Variants in ADAM19 observed in about 807,000 individuals in gnomAD.
ADAM19 encodes the protein disintegrin and metalloproteinase domain-containing protein 19.
ADAM19 carries 65 observed loss-of-function variants against 114.7 expected under a neutral mutation model. The observed-to-expected ratio is 0.57, with a 90% CI of 0.46 to 0.70. ADAM19 has a LOEUF of 0.70. Ranked by LOEUF, ADAM19 falls within the 30% of genes least tolerant of loss-of-function variation. ADAM19 has a pLI of 0.00. For synonymous variants in ADAM19, 466 were observed against 460.5 expected (o/e 1.01, Z -0.15); for missense variants, 1,063 against 1,204.7 (o/e 0.88, Z 1.74).
chr5:157,491,774 C>T (rs775010615), intron 17 of ADAM19, 51 bp from the exon 18 acceptor site: 1 of 1,612,028 alleles, frequency 6.2e-7, no homozygotes, highest in East Asian at 2.2e-5. Flanking sequence ...GCATCAGCCA[C>T]CCACAGGGCC....
chr5:157,504,177 G>T (rs928916523), intron 11 of ADAM19, among the ~76,000 whole-genome samples: 1 of 152,198 alleles, frequency 6.6e-6, no homozygotes, highest in Non-Finnish European at 1.5e-5. Context: ...AGAGAAAGGG[G>T]TGAGCTTAAC....
In ADAM19 at chr5:157,531,549, C is replaced by A. The variant is rs180702854; in HGVS notation, c.331-666G>T. The stretch of plus-strand genomic sequence containing the variant: ...GGATGTGGTGGTGCACACCTATAAT[C>A]CCAGCTACTCGGGAGGCCGAGGCAG... On this transcript the variant is annotated intron_variant, in intron 4 of 22. Coordinates refer to ENST00000257527, the MANE Select transcript of ADAM19 (RefSeq NM_033274.5). 4.9e-4 allele frequency among the ~76,000 whole-genome samples: 74 copies of A among 152,124 alleles called. No homozygotes were observed. In the East Asian group the frequency reaches 0.014, roughly 29 times the overall value.
intron 2 of ADAM19, chr5:157,569,076 A>G (rs191503771): frequency 1.2e-4 from 19 of 152,208 alleles, no homozygotes; most frequent in African/African-American, 4.1e-4. Context: ...AATACCCAAG[A>G]TCTTAATTGT....
Position 157,480,812 on chromosome 5 carries a change from T to C in ADAM19, c.*137A>G. 1 of 1,493,280 alleles carries C rather than the reference T, an allele frequency of 6.7e-7. No homozygotes were observed. The allele number at this position is 1,493,280 out of a possible 1,614,324, so 92.5% of individuals were successfully genotyped here. On this transcript the variant is annotated 3_prime_UTR_variant, in exon 23 of 23. Transcript: ENST00000257527. ...AGGCACTGAGTCAACAGGGAGATTT[T>C]TGGAGATGTGGAGGTTCCTGGAGGA...
chr5:157,561,119 C>T (rs1410012150), intron 3 of ADAM19, among the ~76,000 whole-genome samples: 1 of 152,220 alleles, frequency 6.6e-6, no homozygotes, highest in Non-Finnish European at 1.5e-5. Flanking sequence ...CTGTTTTTCA[C>T]CTGCACTCAA....
chr5:157,557,136 G>T (rs746767926), intron 3 of ADAM19, among the ~76,000 whole-genome samples: 2 of 152,152 alleles, frequency 1.3e-5, no homozygotes, highest in Non-Finnish European at 2.9e-5. Flanking sequence ...TCGAACTCCT[G>T]GGCTCGCGTG....
intron 4 of ADAM19, 133 bp from the exon 5 acceptor site, chr5:157,531,016 A>G (rs1756608743): frequency 5.8e-6 from 4 of 687,762 alleles, no homozygotes; most frequent in Non-Finnish European, 1.0e-5. Flanking sequence ...TACAACCTGC[A>G]AAGAGCTTTC....
chr5:157,565,568 G>A (rs1455085132), intron 2 of ADAM19, among the ~76,000 whole-genome samples: 1 of 151,974 alleles, frequency 6.6e-6, no homozygotes, highest in Admixed American at 6.6e-5. Context: ...AATTAGCCAG[G>A]CATGGTGGTG....
At chr5:157,511,751 T>C (rs1755928053) in intron 8 of ADAM19, among the ~76,000 whole-genome samples, 1 of 152,164 alleles carries the variant, frequency 6.6e-6, no homozygotes, top group Admixed American at 6.5e-5. Context: ...TCAGTTCAAG[T>C]AGCTAGGTCA....
At chr5:157,567,367 G>A (rs1292202289) in intron 2 of ADAM19, among the ~76,000 whole-genome samples, 1 of 152,230 alleles carries the variant, frequency 6.6e-6, no homozygotes, top group Non-Finnish European at 1.5e-5. Flanking sequence ...TCACTTCTCT[G>A]TTTGTCATGC....
chr5:157,485,627 T>G (rs1754907916), intron 21 of ADAM19, among the ~76,000 whole-genome samples: 1 of 152,308 alleles, frequency 6.6e-6, no homozygotes, highest in South Asian at 2.1e-4. Flanking sequence ...ATCTCATAGC[T>G]CCTTGGGACC....
chr5:157,518,291 G>C (rs1390558696), intron 7 of ADAM19, among the ~76,000 whole-genome samples: 1 of 151,064 alleles, frequency 6.6e-6, no homozygotes, highest in Admixed American at 6.6e-5. Flanking sequence ...AGCCAGGAGA[G>C]GCTTAGCTGT....
chr5:157,481,054 T>C, intron 22 of ADAM19, 52 bp from the exon 23 acceptor site: 1 of 1,612,328 alleles, frequency 6.2e-7, no homozygotes, highest in Admixed American at 1.7e-5. Context: ...TGCTGATCAA[T>C]GGGATCAAGG....
chr5:157,575,692 G>A lies in ADAM19; in HGVS notation c.5C>T (p.Pro2Leu). Residue 2 changes from proline to leucine, a missense_variant, in exon 1 of 23, where the codon CCA becomes CTA. This residue lies in a region of ADAM19 where 615 missense variants were observed against 706.3 expected (regional missense o/e 0.87). Coordinates refer to ENST00000257527, the MANE Select transcript of ADAM19 (RefSeq NM_033274.5). ...GAGCCGGGCGGCGCCTGCGCCCCCT[G>A]GCATGGTGGCGGCGGCCCTTAGCGC... MPGGAGAARLCL... is the reference protein window; with the variant it reads MLGGAGAARLCL... 4 of 1,327,566 alleles carry A rather than the reference G, an allele frequency of 3.0e-6. No individual in the cohort carries two copies. The highest frequency in any genetic ancestry group is 3.8e-6 in the Non-Finnish European group (4 of 1,043,004). 82.2% of individuals were successfully genotyped at this position (1,327,566 alleles called of 1,614,324 possible). A position where few individuals can be genotyped will look rare whatever the true frequency, so the allele number is the denominator to read the frequency against.
In ADAM19 at chr5:157,574,167, G is replaced by GA. The variant is rs900268051; in HGVS notation, c.94+1435dup. 1.2e-4 allele frequency among the ~76,000 whole-genome samples: 18 copies of GA among 151,964 alleles called. No individual in the cohort carries two copies. The South Asian group carries it at 1.2e-3, about 11-fold the overall frequency. ...AGGAACACACAAAGAATGTGGAGGG[G>GA]AAAAAAAACAAAATATCAACAGCAA... is the stretch of plus-strand genomic sequence containing the variant. On this transcript the variant is annotated intron_variant, in intron 1 of 22. Coordinates refer to ENST00000257527, the MANE Select transcript of ADAM19 (RefSeq NM_033274.5).
chr5:157,575,164 A>G (rs1287486333), intron 1 of ADAM19, among the ~76,000 whole-genome samples: 1 of 152,202 alleles, frequency 6.6e-6, no homozygotes, highest in Non-Finnish European at 1.5e-5. Context: ...GGTCCCAGGA[A>G]GCCGCTCCCA....
Position 157,575,667 on chromosome 5 carries a change from G to A in ADAM19, c.30C>T (p.Leu10=). Residue 10 remains leucine, a synonymous_variant, in exon 1 of 23, where the codon CTC becomes CTT. Coordinates refer to ENST00000257527, the MANE Select transcript of ADAM19 (RefSeq NM_033274.5). ...GCTGCAGGGCAAACGCCAGCAAGCA[G>A]AGCCGGGCGGCGCCTGCGCCCCCTG... MPGGAGAAR[L]CLLAFALQPL... is the part of the protein sequence containing the mutation. The A allele has an allele frequency of 7.3e-7, 1 of 1,365,852 alleles. No individual in the cohort carries two copies. Among genetic ancestry groups the A allele is most frequent in the Non-Finnish European group, 9.4e-7 (1 of 1,067,538 alleles). 84.6% of individuals were successfully genotyped at this position (1,365,852 alleles called of 1,614,324 possible).
chr5:157,481,277 C>T (rs1754737617), intron 22 of ADAM19: 1 of 576,446 alleles, frequency 1.7e-6, no homozygotes, highest in Non-Finnish European at 3.1e-6. Flanking sequence ...CTCAATGCCT[C>T]GTGGGAATAC....
intron 1 of ADAM19, among the ~76,000 whole-genome samples, chr5:157,573,902 C>T (rs1272162874): frequency 6.6e-6 from 1 of 152,242 alleles, no homozygotes; most frequent in Non-Finnish European, 1.5e-5. Flanking sequence ...TCACCCCTTT[C>T]TAATGCTCCC....
Sources: allele counts gnomAD v4.1 joint callset (sites outside exome capture counted in the v4.1 genomes callset), GRCh38; gene constraint gnomAD v4.1.1; regional missense constraint gnomAD v4.1.1; transcripts MANE v1.5; gene names NCBI Gene and HGNC (gene_info 2026-07-23, HGNC 2026-07-21).